Variants in PDE1A observed in about 807,000 individuals in gnomAD.
The protein encoded by PDE1A is phosphodiesterase 1A, also known as dual specificity calcium/calmodulin-dependent 3',5'-cyclic nucleotide phosphodiesterase 1A.
PDE1A carries 35 observed loss-of-function variants against 61.7 expected under a neutral mutation model. The ratio of observed to expected loss-of-function variants is 0.57; its 90% CI spans 0.43 to 0.75. The LOEUF (loss-of-function observed/expected upper bound fraction) is 0.75. Ranked by LOEUF, PDE1A falls within the 30% of genes least tolerant of loss-of-function variation. The probability of loss-of-function intolerance (pLI) is 0.00; values close to 1 mark genes in which losing one functional copy is unlikely to be tolerated. For synonymous variants in PDE1A, 232 were observed against 213.2 expected (o/e 1.09, Z -0.77); for missense variants, 597 against 630.6 (o/e 0.95, Z 0.57).
chr2:182,186,200 C>A, intron 12 of PDE1A, 121 bp from the exon 13 acceptor site: 4 of 1,046,208 alleles, frequency 3.8e-6, no homozygotes, highest in Non-Finnish European at 5.5e-6. Flanking sequence ...AGTCCCAGTT[C>A]TGAGCACGTG....
chr2:182,242,777 G>T (rs1559242077), intron 2 of PDE1A, among the ~76,000 whole-genome samples: 1 of 152,084 alleles, frequency 6.6e-6, no homozygotes, highest in Non-Finnish European at 1.5e-5. Context: ...AGGGTTTCCA[G>T]CCTGCCAGTT....
At chr2:182,310,909 T>C (rs1695923736) in intron 1 of PDE1A, among the ~76,000 whole-genome samples, 1 of 152,180 alleles carries the variant, frequency 6.6e-6, no homozygotes. Context: ...ATACTCAACT[T>C]TTATGCCTGT....
chr2:182,626,800 TAC>T, the PDE1A span, among the ~76,000 whole-genome samples: 1 of 23,874 alleles, frequency 4.2e-5, no homozygotes, highest in Non-Finnish European at 8.8e-5. Flanking sequence ...TACATATATA[TAC>T]ATATATATAT....
chr2:182,190,070 TACA>T (rs907690264), intron 10 of PDE1A, among the ~76,000 whole-genome samples: 3 of 152,234 alleles, frequency 2.0e-5, no homozygotes, highest in Admixed American at 6.5e-5. Context: ...TGCTAATCTT[TACA>T]ACATCATGTC....
the PDE1A span, among the ~76,000 whole-genome samples, chr2:182,628,789 C>T: frequency 6.6e-6 from 1 of 151,928 alleles, no homozygotes; most frequent in Non-Finnish European, 1.5e-5. Context: ...TTTGCTTGGC[C>T]ATCTGTAACA....
intron 2 of PDE1A, among the ~76,000 whole-genome samples, chr2:182,433,120 C>T (rs1380421589): frequency 6.6e-6 from 1 of 152,076 alleles, no homozygotes; most frequent in Non-Finnish European, 1.5e-5. Context: ...TCCATCTCAG[C>T]TAGCTTTTGA....
chr2:182,384,587 C>T (rs1700922762), intron 1 of PDE1A, among the ~76,000 whole-genome samples: 1 of 151,224 alleles, frequency 6.6e-6, no homozygotes, highest in South Asian at 2.1e-4. Flanking sequence ...ATAACTTGAA[C>T]TCCAAGACAG....
intron 1 of PDE1A, among the ~76,000 whole-genome samples, chr2:182,278,139 C>A (rs1437817902): frequency 6.6e-6 from 1 of 151,964 alleles, no homozygotes; most frequent in Non-Finnish European, 1.5e-5. Flanking sequence ...GTCTTGAATT[C>A]TCTACCCTTT....
the PDE1A span, among the ~76,000 whole-genome samples, chr2:182,602,992 C>CACACACAGACATACAT: frequency 7.7e-6 from 1 of 130,390 alleles, no homozygotes. Context: ...CACACACACA[C>CACACACAGACATACAT]ACATACATAC....
At chr2:182,321,211 A>C (rs1314956962) in intron 1 of PDE1A, among the ~76,000 whole-genome samples, 1 of 152,180 alleles carries the variant, frequency 6.6e-6, no homozygotes, top group East Asian at 1.9e-4. Context: ...AAGAACATTT[A>C]CTGGTGCCTT....
the PDE1A span, among the ~76,000 whole-genome samples, chr2:182,591,436 T>A: frequency 6.6e-6 from 1 of 152,180 alleles, no homozygotes; most frequent in Non-Finnish European, 1.5e-5. Flanking sequence ...TCAGCTAAAT[T>A]TCTAGTCAGA....
chr2:182,483,091 G>T (rs1240478691), intron 2 of PDE1A, among the ~76,000 whole-genome samples: 2 of 151,832 alleles, frequency 1.3e-5, no homozygotes, highest in African/African-American at 2.4e-5. Context: ...CAGACAAAGA[G>T]GATCATTCAT....
chr2:182,170,741 T>C (rs1574549998), intron 13 of PDE1A, among the ~76,000 whole-genome samples: 1 of 152,002 alleles, frequency 6.6e-6, no homozygotes, highest in East Asian at 1.9e-4. Context: ...GTGATTGTAA[T>C]AAAACTCAGT....
At position 182,290,480 on chromosome 2, in the gene PDE1A, CTT is replaced by C. The variant is rs377726606; in HGVS notation, c.54-26068_54-26067del. Among the ~76,000 whole-genome samples, 466 of 152,050 alleles carry C rather than the reference CTT, an allele frequency of 3.1e-3. 1 individual carries two copies. The highest frequency in any genetic ancestry group is 5.0e-3 in the Non-Finnish European group (337 of 67,958). ...AACACAAGGGTAGAACTAGTGGTAA[CTT>C]TGGTTAATCTTAAAACATGAAAAAA... On this transcript the variant is annotated intron_variant, in intron 1 of 13. Transcript: ENST00000351439.
At chr2:182,607,126 A>G in the PDE1A span, among the ~76,000 whole-genome samples, 5 of 152,154 alleles carry the variant, frequency 3.3e-5, no homozygotes, top group African/African-American at 9.7e-5. Flanking sequence ...TAGTTAGGCA[A>G]TTATGATGGG....
chr2:182,495,904 G>T (rs558614580), intron 2 of PDE1A, among the ~76,000 whole-genome samples: 1 of 152,312 alleles, frequency 6.6e-6, no homozygotes, highest in Non-Finnish European at 1.5e-5. Context: ...CTAATCTGGA[G>T]TGTCAATGCA....
chr2:182,267,511 G>A (rs1221820778), intron 1 of PDE1A, among the ~76,000 whole-genome samples: 1 of 151,718 alleles, frequency 6.6e-6, no homozygotes, highest in African/African-American at 2.4e-5. Context: ...GTATATTGGG[G>A]GGTTACTAGG....
chr2:182,398,846 T>G (rs1177727317), intron 1 of PDE1A, among the ~76,000 whole-genome samples: 1 of 152,108 alleles, frequency 6.6e-6, no homozygotes, highest in Non-Finnish European at 1.5e-5. Flanking sequence ...AAATTTATTT[T>G]ACTTTAAGTT....
At chr2:182,606,933 A>G in the PDE1A span, among the ~76,000 whole-genome samples, 2 of 152,222 alleles carry the variant, frequency 1.3e-5, no homozygotes, top group Admixed American at 6.5e-5. Context: ...TGAGACAATA[A>G]GTATTGCCAG....
Sources: gnomAD v4.1 joint callset for allele counts (sites outside exome capture counted in the v4.1 genomes callset) on GRCh38, gnomAD v4.1.1 for gene constraint, MANE v1.5 for transcripts, NCBI Gene and HGNC (gene_info 2026-07-23, HGNC 2026-07-21) for gene names.